Variants in PVT1 observed in about 807,000 individuals in gnomAD.
PVT1 encodes the protein Pvt1 oncogene.
At chr8:127,970,771 G>T (rs2129962926) in intron 3 of PVT1, among the ~76,000 whole-genome samples, 1 of 152,220 alleles carries the variant, frequency 6.6e-6, no homozygotes, top group Non-Finnish European at 1.5e-5. Flanking sequence ...GACCACCAAA[G>T]AAAGTAGGAA....
At chr8:127,878,830 T>C (rs1034663509) in intron 2 of PVT1, among the ~76,000 whole-genome samples, 5 of 152,202 alleles carry the variant, frequency 3.3e-5, no homozygotes, top group African/African-American at 1.2e-4. Context: ...TGAGGGTGTT[T>C]GCCTTCTCAC....
chr8:128,043,818 C>A (rs1351127761), intron 4 of PVT1, among the ~76,000 whole-genome samples: 1 of 143,318 alleles, frequency 7.0e-6, no homozygotes, highest in African/African-American at 2.8e-5. Context: ...ACAAGGAGGC[C>A]AAACATCTTG....
intron 2 of PVT1, among the ~76,000 whole-genome samples, chr8:127,869,552 A>T (rs1815328367): frequency 6.6e-6 from 1 of 152,130 alleles, no homozygotes; most frequent in Non-Finnish European, 1.5e-5. Flanking sequence ...GACAAAGAAG[A>T]TGGTAGACAA....
intron 2 of PVT1, among the ~76,000 whole-genome samples, chr8:127,860,588 C>T (rs988324521): frequency 6.6e-6 from 1 of 151,864 alleles, no homozygotes; most frequent in Non-Finnish European, 1.5e-5. Context: ...CATGGTGAAA[C>T]CCCGTCTCTA....
chr8:127,851,116 CG>C (rs1782008725), intron 2 of PVT1, among the ~76,000 whole-genome samples: 1 of 151,838 alleles, frequency 6.6e-6, no homozygotes. Flanking sequence ...CAAATCAAAA[CG>C]AAACAATAAA....
At chr8:127,906,702 T>C (rs1298835046) in intron 3 of PVT1, among the ~76,000 whole-genome samples, 1 of 152,108 alleles carries the variant, frequency 6.6e-6, no homozygotes, top group Non-Finnish European at 1.5e-5. Context: ...ATGCGTTCTG[T>C]CAGATGTTAA....
intron 5 of PVT1, among the ~76,000 whole-genome samples, chr8:128,081,564 C>T (rs920274221): frequency 3.3e-5 from 5 of 152,186 alleles, no homozygotes; most frequent in African/African-American, 1.2e-4. Context: ...GGTTATTAGC[C>T]TTGCCTTCTG....
intron 2 of PVT1, among the ~76,000 whole-genome samples, chr8:127,860,764 CA>C (rs1224612475): frequency 0.03 from 1,899 of 63,168 alleles, 32 homozygotes; most frequent in African/African-American, 0.072. Flanking sequence ...GACCCAATCT[CA>C]AAAAAAAAAA....
chr8:127,842,712 CTG>C (rs2129718150), intron 2 of PVT1, among the ~76,000 whole-genome samples: 1 of 152,270 alleles, frequency 6.6e-6, no homozygotes, highest in African/African-American at 2.4e-5. Flanking sequence ...GAAGTGATCA[CTG>C]TGCACCAACC....
At chr8:127,949,417 G>GTGTGTGTGTGTGTGTA in intron 3 of PVT1, among the ~76,000 whole-genome samples, 1 of 150,904 alleles carries the variant, frequency 6.6e-6, no homozygotes, top group Non-Finnish European at 1.5e-5. Flanking sequence ...GTGTGTGTGT[G>GTGTGTGTGTGTGTGTA]TGTGTGTATC....
intron 2 of PVT1, among the ~76,000 whole-genome samples, chr8:127,827,098 C>T (rs536456560): frequency 5.4e-5 from 8 of 148,728 alleles, no homozygotes; most frequent in South Asian, 2.1e-4. Context: ...TGGGTTCGAG[C>T]GATTCTCCTG....
At chr8:127,833,446 A>G (rs1814875558) in intron 2 of PVT1, among the ~76,000 whole-genome samples, 1 of 135,692 alleles carries the variant, frequency 7.4e-6, no homozygotes, top group Non-Finnish European at 1.5e-5. Context: ...GTCTTCTCTG[A>G]AAACTGCTTT....
intron 5 of PVT1, among the ~76,000 whole-genome samples, chr8:128,076,878 C>T (rs111978902): frequency 8.1e-4 from 124 of 152,344 alleles, no homozygotes; most frequent in African/African-American, 2.8e-3. Flanking sequence ...ATGCTAAGCC[C>T]TTCAGGGGCT....
chr8:127,842,288 T>C (rs1814983125), intron 2 of PVT1, among the ~76,000 whole-genome samples: 1 of 150,574 alleles, frequency 6.6e-6, no homozygotes, highest in African/African-American at 2.4e-5. Flanking sequence ...AGAATTTTGC[T>C]CCATCACCCA....
chr8:127,905,810 T>C (rs1815813093), intron 3 of PVT1, among the ~76,000 whole-genome samples: 2 of 152,214 alleles, frequency 1.3e-5, no homozygotes, highest in Admixed American at 6.5e-5. Context: ...TCTGAGTCTT[T>C]TGTGGCATGT....
intron 4 of PVT1, among the ~76,000 whole-genome samples, chr8:128,059,583 C>A (rs1473989050): frequency 6.6e-6 from 1 of 152,226 alleles, no homozygotes; most frequent in African/African-American, 2.4e-5. Flanking sequence ...CTTAACATAT[C>A]TCCTATGGCT....
chr8:127,828,804 C>T (rs972212266), intron 2 of PVT1, among the ~76,000 whole-genome samples: 5 of 152,026 alleles, frequency 3.3e-5, no homozygotes, highest in Non-Finnish European at 5.9e-5. Flanking sequence ...GGAAAGCTGA[C>T]GAGATGGACT....
chr8:127,975,462 G>C (rs990775104), intron 3 of PVT1, among the ~76,000 whole-genome samples: 1 of 152,156 alleles, frequency 6.6e-6, no homozygotes, highest in Non-Finnish European at 1.5e-5. Context: ...GACATTGGCT[G>C]CTCCTCCAGC....
chr8:128,002,323 A>C (rs891093989), intron 4 of PVT1, among the ~76,000 whole-genome samples: 2 of 152,148 alleles, frequency 1.3e-5, no homozygotes, highest in Admixed American at 6.5e-5. Flanking sequence ...TGGCCTCTGC[A>C]CCTGTGTGAC....
Sources: gnomAD v4.1 joint callset for allele counts (sites outside exome capture counted in the v4.1 genomes callset) on GRCh38, gnomAD v4.1.1 for gene constraint, MANE v1.5 for transcripts, NCBI Gene and HGNC (gene_info 2026-07-23, HGNC 2026-07-21) for gene names.